C16orf78: variants seen among roughly 807,000 people sequenced by gnomAD.
C16orf78 encodes uncharacterized protein C16orf78.
A neutral mutation model predicts 27.3 loss-of-function variants in C16orf78; 19 were observed. That is an observed-to-expected ratio of 0.70 (90% confidence interval 0.49 to 1.02). C16orf78 has a LOEUF of 1.02. C16orf78 is among the 50% of genes least tolerant of loss of function. The pLI is 0.00. For missense variants in C16orf78, 339 were observed against 337.0 expected, an observed-to-expected ratio of 1.01 and a Z score of -0.05; for synonymous variants, 130 against 116.1, an observed-to-expected ratio of 1.12 and a Z score of -0.77.
chr16:49,387,843 G>A (rs1165101136), intron 3 of C16orf78, among the ~76,000 whole-genome samples: 1 of 152,152 alleles, frequency 6.6e-6, no homozygotes, highest in African/African-American at 2.4e-5. Flanking sequence ...TGTACAGAGA[G>A]GTTTTCATAA....
At chr16:49,381,108 C>A (rs1037958567) in intron 3 of C16orf78, among the ~76,000 whole-genome samples, 2 of 152,068 alleles carry the variant, frequency 1.3e-5, no homozygotes, top group South Asian at 2.1e-4. Flanking sequence ...ATTGACTTGG[C>A]GATGCGAGCT....
At chr16:49,390,150 T>C (rs1429240019) in intron 3 of C16orf78, among the ~76,000 whole-genome samples, 1 of 152,204 alleles carries the variant, frequency 6.6e-6, no homozygotes, top group African/African-American at 2.4e-5. Context: ...GTAATGTATC[T>C]TTTTCCTCTG....
chr16:49,386,017 T>A (rs1214050366), intron 3 of C16orf78, among the ~76,000 whole-genome samples: 1 of 152,176 alleles, frequency 6.6e-6, no homozygotes. Flanking sequence ...AGAGAAGGAA[T>A]TGGAAAAGAT....
chr16:49,382,158 G>A lies in C16orf78; in HGVS notation c.394+3565G>A, dbSNP rs373359014. Among the ~76,000 whole-genome samples the A allele has an allele frequency of 1.5e-4, 23 of 152,078 alleles. No homozygotes were observed. In the South Asian group the frequency reaches 3.3e-3, roughly 22 times the overall value. On this transcript the variant is annotated intron_variant, in intron 3 of 4. Coordinates refer to ENST00000299191, the MANE Select transcript of C16orf78 (RefSeq NM_144602.4). ...AAATCATCATTCTCAGTAAACTATC[G>A]CAAGAACAAAAAACCAAACACCGCA...
In C16orf78 at chr16:49,374,240, G is replaced by T. The variant is rs958318012; in HGVS notation, c.150+151G>T. On this transcript the variant is annotated intron_variant, in intron 1 of 4. Transcript: ENST00000299191. The stretch of plus-strand genomic sequence containing the variant: ...GTGAGAACTACCCAAGGACATTAAG[G>T]GGGTGGGGGAATTAGTTAATATGAT... The T allele has an allele frequency of 3.3e-6, 3 of 912,830 alleles. No individual in the cohort carries two copies. In the South Asian group the frequency reaches 5.4e-5, roughly 16 times the overall value. 56.5% of individuals were successfully genotyped at this position (912,830 alleles called of 1,614,324 possible). A position where few individuals can be genotyped will look rare whatever the true frequency, so the allele number is the denominator to read the frequency against.
intron 1 of C16orf78, 94 bp from the exon 2 acceptor site, chr16:49,377,637 C>T: frequency 6.8e-7 from 1 of 1,479,034 alleles, no homozygotes; most frequent in East Asian, 2.4e-5. Context: ...AGGGGAGGGA[C>T]AGCCCCTCAC....
intron 3 of C16orf78, among the ~76,000 whole-genome samples, chr16:49,390,979 T>C (rs1376099200): frequency 6.6e-6 from 1 of 152,238 alleles, no homozygotes; most frequent in Non-Finnish European, 1.5e-5. Flanking sequence ...TGTTGTCCGA[T>C]GTCTTAAAAC....
Position 49,378,671 on chromosome 16 carries a change from G to A in C16orf78, c.394+78G>A, listed in dbSNP as rs539871200. 5.6e-5 allele frequency: 89 copies of A among 1,585,542 alleles called. No individual in the cohort carries two copies. The African/African-American group carries it at 7.2e-4, about 13-fold the overall frequency. ...CCTCTAGAAGAAACCGAAAGCTCAC[G>A]CCATTCTTAGAGCAGTAGCGTCCAC... On this transcript the variant is annotated intron_variant, in intron 3 of 4. Coordinates refer to ENST00000299191, the MANE Select transcript of C16orf78 (RefSeq NM_144602.4).
chr16:49,381,354 T>G (rs1965284741), intron 3 of C16orf78, among the ~76,000 whole-genome samples: 2 of 152,204 alleles, frequency 1.3e-5, no homozygotes, highest in South Asian at 4.1e-4. Flanking sequence ...TTCACATCCT[T>G]TGTAAGTTGG....
At position 49,373,923 on chromosome 16, in the gene C16orf78, A is replaced by G; in HGVS notation, c.-17A>G. The G allele has an allele frequency of 6.2e-7, 1 of 1,613,986 alleles. No homozygotes were observed. Among genetic ancestry groups the G allele is most frequent in the South Asian group, 1.1e-5 (1 of 91,034 alleles). On this transcript the variant is annotated 5_prime_UTR_variant, in exon 1 of 5. Transcript: ENST00000299191. ...GTGCCAGCCACCTCCCACCCAAGCC[A>G]CTAGCAAGACTCCACAATGTCAGAG... is the stretch of plus-strand genomic sequence containing the variant.
At chr16:49,384,866 G>A (rs1481688947) in intron 3 of C16orf78, among the ~76,000 whole-genome samples, 1 of 152,150 alleles carries the variant, frequency 6.6e-6, no homozygotes, top group East Asian at 1.9e-4. Flanking sequence ...CAGAAACCTT[G>A]CACATCAGGA....
In C16orf78 at chr16:49,396,540, C is replaced by T. The variant is rs1965476963; in HGVS notation, c.512C>T (p.Ala171Val). The change falls in exon 4 of 5, where the codon GCA (alanine) becomes GTA (valine). Residue 171 changes from alanine (A) to valine (V), a missense_variant. By Grantham distance (64) the Ala-to-Val change is moderately conservative. Coordinates refer to ENST00000299191, the MANE Select transcript of C16orf78 (RefSeq NM_144602.4). ...GAGGGTACCTTTAACAGCCAGAGGG[C>T]AACCTTCATAAGAGACTGGTCCAAC... ...LQEGTFNSQRATFIRDWSNKM... is the reference protein window; with the variant it reads ...LQEGTFNSQRVTFIRDWSNKM... The T allele has an allele frequency of 6.2e-7, 1 of 1,614,130 alleles. No individual in the cohort carries two copies. The highest frequency in any genetic ancestry group is 8.5e-7 in the Non-Finnish European group (1 of 1,180,030).
intron 3 of C16orf78, among the ~76,000 whole-genome samples, chr16:49,385,962 C>T (rs2151613323): frequency 6.6e-6 from 1 of 152,226 alleles, no homozygotes; most frequent in South Asian, 2.1e-4. Context: ...CTATACGCTG[C>T]CCATGAGAGA....
In C16orf78 at chr16:49,399,337, A is replaced by G; in HGVS notation, c.*59A>G. On this transcript the variant is annotated 3_prime_UTR_variant, in exon 5 of 5. Coordinates refer to ENST00000299191, the MANE Select transcript of C16orf78 (RefSeq NM_144602.4). ...CTGTCATGGGACCCTTCACCTCCAGATGCCATCCTCTGGCACACTACAAGT... is the reference window on the plus strand; with the variant it reads ...CTGTCATGGGACCCTTCACCTCCAGGTGCCATCCTCTGGCACACTACAAGT... 6.3e-7 allele frequency: 1 copy of G among 1,588,860 alleles called. No homozygotes were observed. The highest frequency in any genetic ancestry group is 8.6e-7 in the Non-Finnish European group (1 of 1,163,016).
chr16:49,374,240 G>C (rs958318012), intron 1 of C16orf78, 151 bp downstream of exon 1: 20 of 912,830 alleles, frequency 2.2e-5, no homozygotes, highest in African/African-American at 1.7e-4. Context: ...GGACATTAAG[G>C]GGGTGGGGGA....
chr16:49,396,073 G>A (rs567366466), intron 3 of C16orf78, among the ~76,000 whole-genome samples: 1 of 152,146 alleles, frequency 6.6e-6, no homozygotes, highest in Non-Finnish European at 1.5e-5. Context: ...CAAAACCCTA[G>A]CTCCACAAAA....
chr16:49,392,131 G>A (rs1446388523), intron 3 of C16orf78, among the ~76,000 whole-genome samples: 1 of 152,110 alleles, frequency 6.6e-6, no homozygotes, highest in Non-Finnish European at 1.5e-5. Flanking sequence ...CCCAAACTTT[G>A]TTGATGAAAT....
At chr16:49,385,712 GTAGCAAA>G (rs1195002905) in intron 3 of C16orf78, among the ~76,000 whole-genome samples, 1 of 150,852 alleles carries the variant, frequency 6.6e-6, no homozygotes, top group East Asian at 1.9e-4. Flanking sequence ...AAACAAACCT[GTAGCAAA>G]TAAATAAAAG....
chr16:49,388,698 G>A (rs189862971), intron 3 of C16orf78, among the ~76,000 whole-genome samples: 1 of 152,210 alleles, frequency 6.6e-6, no homozygotes, highest in East Asian at 1.9e-4. Flanking sequence ...TTTTTTTGTA[G>A]AGACGAGGTT....
Sources: allele counts gnomAD v4.1 joint callset (sites outside exome capture counted in the v4.1 genomes callset), GRCh38; gene constraint gnomAD v4.1.1; transcripts MANE v1.5; gene names NCBI Gene and HGNC (gene_info 2026-07-23, HGNC 2026-07-21).